MARCHF1: variants seen among roughly 807,000 people sequenced by gnomAD.
MARCHF1 encodes the protein E3 ubiquitin-protein ligase MARCHF1.
Under a neutral mutation model 54.2 loss-of-function variants are expected in MARCHF1, and 40 were observed. The ratio of observed to expected loss-of-function variants is 0.74; its 90% CI spans 0.57 to 0.96. MARCHF1 has a LOEUF of 0.96. Among genes scored for constraint, MARCHF1 ranks in the 40% least tolerant of loss-of-function variants. The probability of loss-of-function intolerance (pLI) is 0.00; values close to 1 mark genes in which losing one functional copy is unlikely to be tolerated. For synonymous variants in MARCHF1, 236 were observed against 236.3 expected, an observed-to-expected ratio of 1.00 and a Z score of 0.01; for missense variants, 586 against 656.5, an observed-to-expected ratio of 0.89 and a Z score of 1.17.
chr4:164,196,832 A>G (rs1365412721), intron 1 of MARCHF1, among the ~76,000 whole-genome samples: 1 of 152,104 alleles, frequency 6.6e-6, no homozygotes, highest in Admixed American at 6.5e-5. Flanking sequence ...CACAACCCCC[A>G]GTACACTTTT....
Position 164,315,231 on chromosome 4 carries a change from C to CAAAAA in MARCHF1, c.-323+68634_-323+68638dup, listed in dbSNP as rs58264322. On this transcript the variant is annotated intron_variant, in intron 1 of 9. Transcript: ENST00000514618. ...TTTCTTCTGTATTGGGTTAATTTAA[C>CAAAAA]AAAAAAAAAAAAAAAAAAAAGAATT... Among the ~76,000 whole-genome samples, 77 of 100,318 alleles carry CAAAAA rather than the reference C, an allele frequency of 7.7e-4. 2 individuals carry two copies. The highest frequency in any genetic ancestry group is 2.3e-3 in the East Asian group (8 of 3,494). 65.8% of individuals were successfully genotyped at this position (100,318 alleles called of 152,430 possible). A position where few individuals can be genotyped will look rare whatever the true frequency, so the allele number is the denominator to read the frequency against.
At chr4:164,362,129 G>T (rs1405208414) in intron 1 of MARCHF1, among the ~76,000 whole-genome samples, 1 of 152,052 alleles carries the variant, frequency 6.6e-6, no homozygotes, top group Non-Finnish European at 1.5e-5. Flanking sequence ...GGAGGTAAGA[G>T]ATGTAGTAAG....
At chr4:163,826,007 C>T (rs1748838921) in intron 4 of MARCHF1, among the ~76,000 whole-genome samples, 1 of 151,960 alleles carries the variant, frequency 6.6e-6, no homozygotes, top group South Asian at 2.1e-4. Flanking sequence ...TATTTTTGGT[C>T]AGTCATTGAA....
chr4:163,807,851 TTC>T (rs1748269878), intron 4 of MARCHF1, among the ~76,000 whole-genome samples: 1 of 152,136 alleles, frequency 6.6e-6, no homozygotes, highest in Non-Finnish European at 1.5e-5. Flanking sequence ...TCTTATACGT[TTC>T]TGTTTTCTCC....
intron 4 of MARCHF1, among the ~76,000 whole-genome samples, chr4:163,761,150 TTTA>T (rs1377439860): frequency 6.6e-6 from 1 of 152,228 alleles, no homozygotes; most frequent in African/African-American, 2.4e-5. Context: ...AGTGCTGATG[TTTA>T]TCAGTCATAT....
intron 8 of MARCHF1, chr4:163,585,181 C>T (rs1740366701): frequency 6.6e-6 from 1 of 152,150 alleles, no homozygotes; most frequent in African/African-American, 2.4e-5. Flanking sequence ...CTCTTACAGC[C>T]TGATGCACAA....
At position 163,641,965 on chromosome 4, in the gene MARCHF1, G is replaced by A. The variant is rs558641552; in HGVS notation, c.163-28572C>T. 2.6e-5 allele frequency among the ~76,000 whole-genome samples: 4 copies of A among 152,182 alleles called. No homozygotes were observed. The East Asian group carries it at 7.7e-4, about 29-fold the overall frequency. Reference sequence around the variant, plus strand: ...ATGTCTTCTGTCCACCAGTGGAGACGTTGTGTTACTATTTTTGTGGACCTC... The same window carrying A: ...ATGTCTTCTGTCCACCAGTGGAGACATTGTGTTACTATTTTTGTGGACCTC... On this transcript the variant is annotated intron_variant, in intron 5 of 9. Coordinates refer to ENST00000514618, the MANE Select transcript of MARCHF1 (RefSeq NM_001394959.1).
chr4:163,970,315 C>T (rs923235153), intron 3 of MARCHF1, among the ~76,000 whole-genome samples: 1 of 152,198 alleles, frequency 6.6e-6, no homozygotes, highest in Non-Finnish European at 1.5e-5. Context: ...AAAGAATCTT[C>T]AATTATCCTG....
chr4:163,926,062 AGGGAAAAATC>A (rs767229124), intron 3 of MARCHF1, among the ~76,000 whole-genome samples: 5,135 of 151,650 alleles, frequency 0.034, 238 homozygotes, highest in East Asian at 0.19. Flanking sequence ...ACATATATGA[AGGGAAAAATC>A]TTAAATGTAT....
At chr4:163,984,132 C>T (rs1752816538) in intron 3 of MARCHF1, among the ~76,000 whole-genome samples, 1 of 151,962 alleles carries the variant, frequency 6.6e-6, no homozygotes, top group Admixed American at 6.6e-5. Context: ...TAACAGATCT[C>T]CAGCTACTTT....
Position 163,526,838 on chromosome 4 carries a change from TACAC to T in MARCHF1, c.*1906_*1909del, listed in dbSNP as rs1408853072. 1 of 151,788 alleles carries T rather than the reference TACAC, an allele frequency of 6.6e-6. No individual in the cohort carries two copies. Among genetic ancestry groups the T allele is most frequent in the South Asian group, 2.1e-4 (1 of 4,830 alleles). 9.4% of individuals were successfully genotyped at this position (151,788 alleles called of 1,614,324 possible). ...TATATACATGACTACACACACGCCA[TACAC>T]ACACACAAAATTGACATTGTTTACC... On this transcript the variant is annotated 3_prime_UTR_variant, in exon 10 of 10. Coordinates refer to ENST00000514618, the MANE Select transcript of MARCHF1 (RefSeq NM_001394959.1).
intron 4 of MARCHF1, among the ~76,000 whole-genome samples, chr4:163,823,537 C>T (rs1011366003): frequency 1.3e-5 from 2 of 151,678 alleles, no homozygotes; most frequent in Non-Finnish European, 2.9e-5. Context: ...TATAATTTGA[C>T]AAGAAAAACA....
intron 2 of MARCHF1, among the ~76,000 whole-genome samples, chr4:163,997,503 C>G (rs1227561200): frequency 2.6e-5 from 4 of 151,950 alleles, no homozygotes; most frequent in East Asian, 1.9e-4. Flanking sequence ...AGATATACAA[C>G]TACTTACTGG....
chr4:163,904,941 A>G (rs1751031822), intron 3 of MARCHF1, among the ~76,000 whole-genome samples: 1 of 152,174 alleles, frequency 6.6e-6, no homozygotes, highest in Non-Finnish European at 1.5e-5. Context: ...GAAAACAATA[A>G]CTAAAGCTGG....
chr4:164,193,215 T>G (rs1731166863), intron 1 of MARCHF1, among the ~76,000 whole-genome samples: 1 of 152,046 alleles, frequency 6.6e-6, no homozygotes. Flanking sequence ...ATCACCTTTT[T>G]CGGAAGATGC....
chr4:163,857,822 A>G (rs1470795177), intron 3 of MARCHF1, among the ~76,000 whole-genome samples: 1 of 152,132 alleles, frequency 6.6e-6, no homozygotes, highest in East Asian at 1.9e-4. Context: ...AACCTTTGGT[A>G]CAGAGAGAGA....
chr4:164,159,539 A>G (rs1230513187), intron 1 of MARCHF1, among the ~76,000 whole-genome samples: 1 of 152,186 alleles, frequency 6.6e-6, no homozygotes, highest in Non-Finnish European at 1.5e-5. Flanking sequence ...ACTTGACAAT[A>G]GGTTTTTTTA....
intron 1 of MARCHF1, among the ~76,000 whole-genome samples, chr4:164,159,110 T>C (rs947916447): frequency 6.6e-6 from 1 of 152,206 alleles, no homozygotes; most frequent in Non-Finnish European, 1.5e-5. Context: ...GCCAAATTAC[T>C]TAATCTCTTC....
At position 164,223,510 on chromosome 4, in the gene MARCHF1, A is replaced by T. The variant is rs538620126; in HGVS notation, c.-322-111848T>A. Among the ~76,000 whole-genome samples the T allele has an allele frequency of 2.0e-5, 3 of 152,170 alleles. No homozygotes were observed. In the East Asian group the frequency reaches 5.8e-4, roughly 29 times the overall value. On this transcript the variant is annotated intron_variant, in intron 1 of 9. Transcript: ENST00000514618. ...AAAATATTGATTGCCTTCATTCTTC[A>T]AGCAATAGATATTTATGTGTTCTAA...
Sources: allele counts gnomAD v4.1 joint callset (sites outside exome capture counted in the v4.1 genomes callset), GRCh38; gene constraint gnomAD v4.1.1; transcripts MANE v1.5; gene names NCBI Gene and HGNC (gene_info 2026-07-23, HGNC 2026-07-21).